Variants in BBS9 observed in about 807,000 individuals in gnomAD.
The protein encoded by BBS9 is Bardet-Biedl syndrome 9, also known as protein PTHB1.
A neutral mutation model predicts 117.7 loss-of-function variants in BBS9; 89 were observed. That is an observed-to-expected ratio of 0.76 (90% CI 0.64 to 0.90). The LOEUF (loss-of-function observed/expected upper bound fraction) is 0.90, where lower values mean the gene tolerates loss of function less well. Ranked by LOEUF, BBS9 falls within the 40% of genes least tolerant of loss-of-function variation. The pLI, the probability that BBS9 is intolerant of heterozygous loss-of-function variation, is 0.00. For synonymous variants in BBS9, 379 were observed against 370.9 expected (o/e 1.02, Z -0.25); for missense variants, 982 against 1,042.2 (o/e 0.94, Z 0.80).
chr7:33,615,150 C>T (rs747845002), intron 21 of BBS9, among the ~76,000 whole-genome samples: 1 of 151,980 alleles, frequency 6.6e-6, no homozygotes, highest in Non-Finnish European at 1.5e-5. Context: ...TTACTAAAGG[C>T]TTGTTTACCA....
chr7:33,298,140 C>A (rs374068990), intron 9 of BBS9, among the ~76,000 whole-genome samples: 7 of 151,678 alleles, frequency 4.6e-5, no homozygotes, highest in Admixed American at 6.6e-5. Context: ...CATTTTTTTT[C>A]ATTTTAATTT....
At chr7:33,341,444 T>C (rs777838019) in intron 11 of BBS9, among the ~76,000 whole-genome samples, 11 of 152,046 alleles carry the variant, frequency 7.2e-5, no homozygotes, top group Non-Finnish European at 1.2e-4. Flanking sequence ...CTTAAGAGTA[T>C]ATAGTTGGTC....
intron 9 of BBS9, among the ~76,000 whole-genome samples, chr7:33,293,356 A>T (rs13234804): frequency 6.6e-6 from 1 of 151,934 alleles, no homozygotes; most frequent in African/African-American, 2.4e-5. Context: ...CAGAATTTTA[A>T]TGATGATATA....
intron 15 of BBS9, chr7:33,357,630 T>C (rs1308641740): frequency 1.7e-6 from 1 of 605,640 alleles, no homozygotes; most frequent in Non-Finnish European, 3.0e-6. Context: ...ACAGATCTCA[T>C]GTCTATGCTT....
rs886961306 is a variant in BBS9 at position 33,134,267 on chromosome 7, G to A, written c.-12+4226G>A. On this transcript the variant is annotated intron_variant, in intron 1 of 22. Transcript: ENST00000242067. ...TTTAGTGGAGATGGGGTTTCACCAT[G>A]TTGGCCAGGCTGGTCTCGAACTTCT... 1.8e-3 allele frequency among the ~76,000 whole-genome samples: 242 copies of A among 131,474 alleles called. 1 individual carries two copies. The highest frequency in any genetic ancestry group is 6.9e-3 in the African/African-American group (231 of 33,514). 86.3% of individuals were successfully genotyped at this position (131,474 alleles called of 152,430 possible). A position where few individuals can be genotyped will look rare whatever the true frequency, so the allele number is the denominator to read the frequency against.
chr7:33,620,460 C>G (rs1310508185), intron 21 of BBS9, among the ~76,000 whole-genome samples: 2 of 151,518 alleles, frequency 1.3e-5, no homozygotes, highest in African/African-American at 2.4e-5. Flanking sequence ...TATACACTAA[C>G]AAGAAACTAC....
chr7:33,546,404 C>G (rs1265356716), intron 21 of BBS9, among the ~76,000 whole-genome samples: 1 of 152,056 alleles, frequency 6.6e-6, no homozygotes. Flanking sequence ...CTGTGTACAT[C>G]CTGATGAATT....
At chr7:33,535,972 T>G (rs1851307269) in intron 21 of BBS9, among the ~76,000 whole-genome samples, 1 of 152,000 alleles carries the variant, frequency 6.6e-6, no homozygotes, top group African/African-American at 2.4e-5. Context: ...TTTAAATAAC[T>G]AGATTTGTAA....
chr7:33,357,992 C>T lies in BBS9; in HGVS notation c.1690C>T (p.Pro564Ser). 6.2e-7 allele frequency: 1 copy of T among 1,611,780 alleles called. No individual in the cohort carries two copies. The highest frequency in any genetic ancestry group is 8.5e-7 in the Non-Finnish European group (1 of 1,178,534). ...TCCAGTCAGTCTTCTTAGTCTCTTC[C>T]CAGGTAAGACTGTTGAAATAACATG... is the stretch of plus-strand genomic sequence containing the variant. ...KSPVSLLSLF[P>S]GFASQSDDDQ... The change falls in exon 16 of 23, where the codon CCA becomes TCA. Residue 564 changes from proline to serine, a missense_variant. By Grantham distance (74) the Pro-to-Ser change is moderately conservative. Transcript: ENST00000242067.
chr7:33,632,456 C>T (rs1028472537), intron 21 of BBS9, among the ~76,000 whole-genome samples: 1 of 152,232 alleles, frequency 6.6e-6, no homozygotes, highest in South Asian at 2.1e-4. Context: ...TTGCCCGGGC[C>T]TCTGTCCCCT....
At chr7:33,459,364 G>A (rs974784781) in intron 19 of BBS9, among the ~76,000 whole-genome samples, 2 of 152,098 alleles carry the variant, frequency 1.3e-5, no homozygotes, top group Admixed American at 6.6e-5. Context: ...CTGGGGAGAA[G>A]GGAGAGGATA....
At chr7:33,596,119 T>G (rs1338069684) in intron 21 of BBS9, among the ~76,000 whole-genome samples, 3 of 151,744 alleles carry the variant, frequency 2.0e-5, no homozygotes, top group Non-Finnish European at 4.4e-5. Context: ...AGCAAACCAC[T>G]ATGGCACACA....
At chr7:33,399,428 G>A (rs986137360) in intron 19 of BBS9, among the ~76,000 whole-genome samples, 4 of 152,154 alleles carry the variant, frequency 2.6e-5, no homozygotes, top group Non-Finnish European at 5.9e-5. Flanking sequence ...TATGTCAACA[G>A]ACTTGAGTCC....
At chr7:33,422,589 G>T (rs1170346824) in intron 19 of BBS9, among the ~76,000 whole-genome samples, 1 of 152,062 alleles carries the variant, frequency 6.6e-6, no homozygotes, top group African/African-American at 2.4e-5. Context: ...TGATTGTCCT[G>T]CTTTAAATTC....
intron 1 of BBS9, among the ~76,000 whole-genome samples, chr7:33,132,399 C>G (rs116004235): frequency 2.6e-3 from 399 of 152,272 alleles, no homozygotes; most frequent in African/African-American, 8.9e-3. Context: ...AGAATCCTGA[C>G]TGGCTTTAGT....
At chr7:33,398,447 C>G (rs949518493) in intron 19 of BBS9, among the ~76,000 whole-genome samples, 1 of 152,206 alleles carries the variant, frequency 6.6e-6, no homozygotes, top group Non-Finnish European at 1.5e-5. Context: ...TTCTCTTACT[C>G]TGTCTGACCC....
At chr7:33,433,658 TTTTGCA>T (rs1407477970) in intron 19 of BBS9, among the ~76,000 whole-genome samples, 1 of 152,166 alleles carries the variant, frequency 6.6e-6, no homozygotes, top group Admixed American at 6.5e-5. Context: ...GCTAGTCTTG[TTTTGCA>T]TTTGTTTCAC....
Position 33,257,287 on chromosome 7 carries a change from A to C in BBS9, c.494A>C (p.Glu165Ala), listed in dbSNP as rs752753753. 1 of 1,613,888 alleles carries C rather than the reference A, an allele frequency of 6.2e-7. No homozygotes were observed. The highest frequency in any genetic ancestry group is 1.7e-5 in the Admixed American group (1 of 60,024). Residue 165 changes from glutamate to alanine, a missense_variant, in exon 6 of 23, where the codon GAG becomes GCG. Transcript: ENST00000242067. The part of the protein sequence containing the change: ...QSMDGMLMVF[E>A]QESYAFGRFL... ...ATGGATGGGATGCTGATGGTATTTG[A>C]GCAGGAGAGCTATGCTTTTGGAAGA...
chr7:33,243,279 C>T (rs1258210029), intron 5 of BBS9, among the ~76,000 whole-genome samples: 1 of 152,144 alleles, frequency 6.6e-6, no homozygotes, highest in Non-Finnish European at 1.5e-5. Flanking sequence ...GAGCATAGAG[C>T]AGAAACCAAG....
Sources: gnomAD v4.1 joint callset for allele counts (sites outside exome capture counted in the v4.1 genomes callset) on GRCh38, gnomAD v4.1.1 for gene constraint, MANE v1.5 for transcripts, NCBI Gene and HGNC (gene_info 2026-07-23, HGNC 2026-07-21) for gene names.